EXOC6B: variants seen among roughly 807,000 people sequenced by gnomAD.
EXOC6B encodes exocyst complex component 6B, also known as SEC15 homolog B.
Under a neutral mutation model 113.5 loss-of-function variants are expected in EXOC6B, and 54 were observed. The observed-to-expected ratio is 0.48, with a 90% confidence interval of 0.38 to 0.60. The LOEUF is 0.60. EXOC6B is among the 20% of genes least tolerant of loss of function. The pLI is 0.00. For synonymous variants in EXOC6B, 357 were observed against 339.0 expected (o/e 1.05, Z -0.58); for missense variants, 797 against 977.5 (o/e 0.82, Z 2.46).
intron 6 of EXOC6B, among the ~76,000 whole-genome samples, chr2:72,690,246 C>A (rs1246183513): frequency 6.6e-6 from 1 of 152,180 alleles, no homozygotes; most frequent in Non-Finnish European, 1.5e-5. Context: ...TAACAAATAT[C>A]TCTTTCTATA....
chr2:72,193,118 T>C (rs772733677), intron 20 of EXOC6B, among the ~76,000 whole-genome samples: 1 of 152,144 alleles, frequency 6.6e-6, no homozygotes, highest in Admixed American at 6.5e-5. Flanking sequence ...CACATCTGCC[T>C]TTTTTTGGAG....
intron 20 of EXOC6B, among the ~76,000 whole-genome samples, chr2:72,260,275 G>C (rs184952463): frequency 6.6e-6 from 1 of 152,284 alleles, no homozygotes; most frequent in Non-Finnish European, 1.5e-5. Flanking sequence ...ATGGTCCATG[G>C]AGACTGTTGA....
chr2:72,617,833 A>C (rs1671494954), intron 6 of EXOC6B, among the ~76,000 whole-genome samples: 1 of 152,062 alleles, frequency 6.6e-6, no homozygotes, highest in Admixed American at 6.6e-5. Context: ...GTAGAGTTCT[A>C]ATCTTTGCTA....
chr2:72,245,417 GAC>G (rs1261335457), intron 20 of EXOC6B, among the ~76,000 whole-genome samples: 4 of 109,330 alleles, frequency 3.7e-5, no homozygotes, highest in Non-Finnish European at 6.6e-5. Flanking sequence ...GGAACAACTG[GAC>G]ATCACCCCAC....
At position 72,544,266 on chromosome 2, in the gene EXOC6B, T is replaced by C. The variant is rs115404868; in HGVS notation, c.915+15187A>G. Among the ~76,000 whole-genome samples, 395 of 152,214 alleles carry C rather than the reference T, an allele frequency of 2.6e-3. 2 individuals carry two copies. The highest frequency in any genetic ancestry group is 4.4e-3 in the Non-Finnish European group (302 of 67,992). ...CATCAGAATTCCTCTCTAAAACCAA[T>C]GATATCCCAAAAGATTTGAAAATGA... On this transcript the variant is annotated intron_variant, in intron 8 of 21. Transcript: ENST00000272427.
intron 8 of EXOC6B, among the ~76,000 whole-genome samples, chr2:72,530,683 C>A (rs1043874071): frequency 6.6e-6 from 1 of 152,138 alleles, no homozygotes; most frequent in African/African-American, 2.4e-5. Context: ...AAGTCTTCAA[C>A]TATAACAGTG....
At position 72,804,893 on chromosome 2, in the gene EXOC6B, G is replaced by A. The variant is rs530102140; in HGVS notation, c.113+20905C>T. ...ATTACAGACGTGAGCCACCACACCC[G>A]GCCAGCCTTTAAACTCTTAAAAAAG... On this transcript the variant is annotated intron_variant, in intron 1 of 21. Transcript: ENST00000272427. Among the ~76,000 whole-genome samples the A allele has an allele frequency of 3.9e-5, 6 of 152,054 alleles. No individual in the cohort carries two copies. The South Asian group carries it at 6.2e-4, about 16-fold the overall frequency.
chr2:72,657,136 C>A (rs992186767), intron 6 of EXOC6B, among the ~76,000 whole-genome samples: 37 of 152,034 alleles, frequency 2.4e-4, no homozygotes, highest in African/African-American at 8.7e-4. Context: ...CAGGTGTGAG[C>A]CACCGTGCCT....
chr2:72,336,807 G>C (rs763516519), intron 19 of EXOC6B, among the ~76,000 whole-genome samples: 1 of 152,144 alleles, frequency 6.6e-6, no homozygotes. Flanking sequence ...AGGAGTTTGC[G>C]ACCAGCCTGA....
chr2:72,282,868 T>C (rs1035581983), intron 20 of EXOC6B, among the ~76,000 whole-genome samples: 2 of 152,146 alleles, frequency 1.3e-5, no homozygotes, highest in African/African-American at 4.8e-5. Flanking sequence ...GCAACAATCC[T>C]AAATTTATAT....
chr2:72,593,799 C>A (rs2103950421), intron 6 of EXOC6B, among the ~76,000 whole-genome samples: 1 of 152,220 alleles, frequency 6.6e-6, no homozygotes, highest in South Asian at 2.1e-4. Flanking sequence ...CCTATATATT[C>A]AACAACTTAG....
At chr2:72,421,291 T>C (rs1262038574) in intron 18 of EXOC6B, among the ~76,000 whole-genome samples, 1 of 152,210 alleles carries the variant, frequency 6.6e-6, no homozygotes, top group East Asian at 1.9e-4. Flanking sequence ...TCTATTCTAT[T>C]ACGTGGAACT....
At chr2:72,619,366 T>C (rs560067364) in intron 6 of EXOC6B, among the ~76,000 whole-genome samples, 9 of 152,068 alleles carry the variant, frequency 5.9e-5, no homozygotes, top group Non-Finnish European at 1.3e-4. Flanking sequence ...AAAATAAAGA[T>C]TGTTCATGGC....
intron 20 of EXOC6B, chr2:72,289,154 C>CA: frequency 4.6e-6 from 1 of 216,196 alleles, no homozygotes; most frequent in Non-Finnish European, 9.3e-6. Flanking sequence ...GGCTCATGGG[C>CA]CAAAAAAAAA....
chr2:72,789,480 T>C (rs1684557544), intron 1 of EXOC6B, among the ~76,000 whole-genome samples: 1 of 152,190 alleles, frequency 6.6e-6, no homozygotes, highest in Non-Finnish European at 1.5e-5. Flanking sequence ...CTGAGTCAAA[T>C]GTGAATTAAT....
intron 11 of EXOC6B, among the ~76,000 whole-genome samples, chr2:72,509,452 T>A (rs147277347): frequency 1.3e-5 from 2 of 152,160 alleles, no homozygotes; most frequent in African/African-American, 4.8e-5. Flanking sequence ...CTAAAATAAA[T>A]TTTTTATGGT....
At chr2:72,729,866 A>G (rs1680529086) in intron 5 of EXOC6B, among the ~76,000 whole-genome samples, 1 of 152,100 alleles carries the variant, frequency 6.6e-6, no homozygotes. Context: ...TACTATTTTA[A>G]TGTCTAATGA....
At chr2:72,612,500 A>T (rs886916825) in intron 6 of EXOC6B, among the ~76,000 whole-genome samples, 4 of 152,194 alleles carry the variant, frequency 2.6e-5, no homozygotes, top group African/African-American at 9.7e-5. Context: ...AAGTAAAAAA[A>T]AAAATCACAT....
At chr2:72,369,177 C>T (rs573536750) in intron 19 of EXOC6B, among the ~76,000 whole-genome samples, 1 of 152,170 alleles carries the variant, frequency 6.6e-6, no homozygotes, top group Non-Finnish European at 1.5e-5. Context: ...TCTCAGGATA[C>T]AAAATCAATG....
Sources: gnomAD v4.1 joint callset for allele counts (sites outside exome capture counted in the v4.1 genomes callset) on GRCh38, gnomAD v4.1.1 for gene constraint, MANE v1.5 for transcripts, NCBI Gene and HGNC (gene_info 2026-07-23, HGNC 2026-07-21) for gene names.